Variants in DGKB observed in about 807,000 individuals in gnomAD.
DGKB encodes diacylglycerol kinase beta.
Under a neutral mutation model 114.3 loss-of-function variants are expected in DGKB, and 67 were observed. The ratio of observed to expected loss-of-function variants is 0.59; its 90% CI spans 0.48 to 0.72. The LOEUF is 0.72. Ranked by LOEUF, DGKB falls within the 30% of genes least tolerant of loss-of-function variation. The pLI is 0.00. For synonymous variants in DGKB, 398 were observed against 323.1 expected (o/e 1.23, Z -2.49); for missense variants, 907 against 975.2 (o/e 0.93, Z 0.93).
chr7:14,797,615 A>C (rs759432318), intron 2 of DGKB, among the ~76,000 whole-genome samples: 1 of 152,106 alleles, frequency 6.6e-6, no homozygotes, highest in African/African-American at 2.4e-5. Context: ...AACCTTTAAA[A>C]TTCTGAAAGG....
chr7:14,234,038 C>A (rs1193740262), intron 23 of DGKB, among the ~76,000 whole-genome samples: 1 of 152,064 alleles, frequency 6.6e-6, no homozygotes, highest in Non-Finnish European at 1.5e-5. Flanking sequence ...TTGTGGTCCC[C>A]CTTGCCTGGC....
intron 5 of DGKB, among the ~76,000 whole-genome samples, chr7:14,734,220 T>C (rs1363542527): frequency 1.3e-5 from 2 of 151,858 alleles, no homozygotes; most frequent in African/African-American, 4.8e-5. Context: ...TTTGTATTTT[T>C]AGTAGAGACG....
In DGKB at chr7:14,621,505, G is replaced by T. The variant is rs759324195; in HGVS notation, c.1168-11C>A. 3 of 1,478,640 alleles carry T rather than the reference G, an allele frequency of 2.0e-6. No individual in the cohort carries two copies. The Admixed American group carries it at 6.0e-5, about 30-fold the overall frequency. The allele number at this position is 1,478,640 out of a possible 1,614,324, so 91.6% of individuals were successfully genotyped here. On this transcript the variant is annotated splice_polypyrimidine_tract_variant and intron_variant, in intron 14 of 25. Transcript: ENST00000402815. ...TGTTGATTGTCTTTCCTGTAAAAAA[G>T]AAAATTTTGATAAAAATAAAAATTA...
intron 15 of DGKB, 114 bp downstream of exon 15, chr7:14,621,264 T>G (rs547857763): frequency 2.5e-5 from 16 of 645,106 alleles, no homozygotes; most frequent in African/African-American, 2.5e-4. Flanking sequence ...TGAAAGAGTC[T>G]ACTAAGCTAA....
chr7:14,263,551 T>C (rs1307212597), intron 23 of DGKB, among the ~76,000 whole-genome samples: 1 of 152,202 alleles, frequency 6.6e-6, no homozygotes, highest in Non-Finnish European at 1.5e-5. Flanking sequence ...AAATCCTGCA[T>C]ATCTGTTAGG....
intron 1 of DGKB, among the ~76,000 whole-genome samples, chr7:14,858,227 G>C (rs17168484): frequency 8.6e-5 from 13 of 151,980 alleles, no homozygotes; most frequent in Admixed American, 3.9e-4. Flanking sequence ...ATGCTGCTTC[G>C]CTGGAAACAG....
At chr7:14,885,432 G>A (rs1282140481) in intron 1 of DGKB, among the ~76,000 whole-genome samples, 1 of 151,854 alleles carries the variant, frequency 6.6e-6, no homozygotes, top group East Asian at 1.9e-4. Context: ...AATGTTTCTT[G>A]GAGAGAGTGA....
chr7:14,607,841 A>T (rs954386530), intron 16 of DGKB, among the ~76,000 whole-genome samples: 3 of 151,594 alleles, frequency 2.0e-5, no homozygotes, highest in East Asian at 2.0e-4. Flanking sequence ...AAATAAATGT[A>T]TTTTTTTAAT....
intron 23 of DGKB, among the ~76,000 whole-genome samples, chr7:14,257,783 A>G (rs927487217): frequency 4.6e-5 from 7 of 152,104 alleles, no homozygotes; most frequent in Admixed American, 3.9e-4. Context: ...CTGGAGTGCA[A>G]TGGCACGATT....
At chr7:14,593,258 G>C (rs1801992111) in intron 17 of DGKB, among the ~76,000 whole-genome samples, 1 of 151,962 alleles carries the variant, frequency 6.6e-6, no homozygotes, top group Admixed American at 6.6e-5. Context: ...TGACAAAAGA[G>C]AGCATGAGAC....
chr7:14,429,378 A>G lies in DGKB; in HGVS notation c.1835+48783T>C, dbSNP rs76739930. 9.2e-3 allele frequency among the ~76,000 whole-genome samples: 1,399 copies of G among 152,258 alleles called. 24 individuals carry two copies. The highest frequency in any genetic ancestry group is 0.032 in the African/African-American group (1,340 of 41,562). On this transcript the variant is annotated intron_variant, in intron 21 of 25. Coordinates refer to ENST00000402815, the MANE Select transcript of DGKB (RefSeq NM_001350709.2). The stretch of plus-strand genomic sequence containing the variant: ...AGATGTACATCTGTGAATTAGAAAA[A>G]GGGTCCTCACCAGAACCAAATGTGC...
At chr7:14,384,447 T>G (rs1352516612) in intron 21 of DGKB, among the ~76,000 whole-genome samples, 2 of 152,174 alleles carry the variant, frequency 1.3e-5, no homozygotes, top group African/African-American at 4.8e-5. Context: ...GTAATTGTAT[T>G]AGATACCCCC....
At chr7:14,548,114 T>C (rs1186948600) in intron 20 of DGKB, among the ~76,000 whole-genome samples, 1 of 152,200 alleles carries the variant, frequency 6.6e-6, no homozygotes, top group Non-Finnish European at 1.5e-5. Flanking sequence ...ATGTCCTTAA[T>C]TGTGAACATG....
intron 1 of DGKB, among the ~76,000 whole-genome samples, chr7:14,856,846 C>G (rs1316225869): frequency 2.0e-5 from 3 of 152,026 alleles, no homozygotes; most frequent in Admixed American, 2.0e-4. Context: ...CAAATTCCTC[C>G]CAAACTGGAC....
intron 23 of DGKB, among the ~76,000 whole-genome samples, chr7:14,316,670 A>G (rs1806599293): frequency 7.0e-6 from 1 of 143,748 alleles, no homozygotes; most frequent in Non-Finnish European, 1.5e-5. Context: ...AGAGTCCAGG[A>G]CCAGATGGAT....
At chr7:14,613,641 T>C (rs1805998130) in intron 15 of DGKB, among the ~76,000 whole-genome samples, 2 of 151,714 alleles carry the variant, frequency 1.3e-5, no homozygotes. Flanking sequence ...CATGCCTATC[T>C]AGATAGAGGG....
intron 17 of DGKB, among the ~76,000 whole-genome samples, chr7:14,596,891 A>G (rs747584871): frequency 1.3e-5 from 2 of 152,118 alleles, no homozygotes; most frequent in Non-Finnish European, 2.9e-5. Flanking sequence ...TAGTTAAAAT[A>G]CCCTCTTTTT....
chr7:14,169,454 C>T (rs1215145670), intron 25 of DGKB, among the ~76,000 whole-genome samples: 1 of 151,446 alleles, frequency 6.6e-6, no homozygotes, highest in Non-Finnish European at 1.5e-5. Context: ...TGCCTGGAGA[C>T]CAGAAGAATG....
At chr7:14,213,279 T>C (rs1449673530) in intron 23 of DGKB, among the ~76,000 whole-genome samples, 2 of 152,044 alleles carry the variant, frequency 1.3e-5, no homozygotes, top group East Asian at 1.9e-4. Context: ...CGCTTTCTCA[T>C]TTTTTCTGTT....
Sources: allele counts gnomAD v4.1 joint callset (sites outside exome capture counted in the v4.1 genomes callset), GRCh38; gene constraint gnomAD v4.1.1; transcripts MANE v1.5; gene names NCBI Gene and HGNC (gene_info 2026-07-23, HGNC 2026-07-21).